TAFA5: variants seen among roughly 807,000 people sequenced by gnomAD.
The protein encoded by TAFA5 is chemokine-like protein TAFA-5.
Under a neutral mutation model 15.3 loss-of-function variants are expected in TAFA5, and 6 were observed. The ratio of observed to expected loss-of-function variants is 0.39; its 90% confidence interval spans 0.21 to 0.77. TAFA5 has a LOEUF of 0.77. Among genes scored for constraint, TAFA5 ranks in the 30% least tolerant of loss-of-function variants. The probability of loss-of-function intolerance (pLI) is 0.41; values close to 1 mark genes in which losing one functional copy is unlikely to be tolerated. For missense variants in TAFA5, 161 were observed against 193.1 expected (o/e 0.83, Z 0.98); for synonymous variants, 103 against 80.7 (o/e 1.28, Z -1.48).
chr22:48,621,413 TCAG>T (rs1925833430), intron 1 of TAFA5, among the ~76,000 whole-genome samples: 1 of 151,906 alleles, frequency 6.6e-6, no homozygotes. Flanking sequence ...ATCCATGGCA[TCAG>T]CAGATATGCC....
intron 1 of TAFA5, among the ~76,000 whole-genome samples, chr22:48,637,095 C>A (rs986178807): frequency 6.6e-5 from 10 of 152,170 alleles, no homozygotes; most frequent in Admixed American, 3.3e-4. Flanking sequence ...GGTGAGCAGC[C>A]TTTCCGAGTC....
intron 3 of TAFA5, among the ~76,000 whole-genome samples, chr22:48,723,349 C>T (rs766038427): frequency 1.0e-3 from 155 of 152,318 alleles, no homozygotes; most frequent in Non-Finnish European, 1.4e-3. Context: ...TAAATGTCAG[C>T]TCCCCGTTAA....
chr22:48,631,302 G>C (rs1324909897), intron 1 of TAFA5, among the ~76,000 whole-genome samples: 1 of 152,184 alleles, frequency 6.6e-6, no homozygotes, highest in African/African-American at 2.4e-5. Flanking sequence ...AGCGGTCCCT[G>C]GTGGGCAGCC....
intron 1 of TAFA5, among the ~76,000 whole-genome samples, chr22:48,584,569 C>T (rs143498593): frequency 0.048 from 7,058 of 147,218 alleles, 238 homozygotes; most frequent in Non-Finnish European, 0.069. Flanking sequence ...ATGCCATGCA[C>T]CACACGACAC....
chr22:48,499,731 C>A (rs1342217993), intron 1 of TAFA5, among the ~76,000 whole-genome samples: 1 of 152,250 alleles, frequency 6.6e-6, no homozygotes, highest in Non-Finnish European at 1.5e-5. Flanking sequence ...CCACCCCCAA[C>A]CTTTGTTGCT....
intron 1 of TAFA5, chr22:48,576,261 CGCGGCG>C: frequency 1.7e-5 from 11 of 653,674 alleles, no homozygotes; most frequent in African/African-American, 1.9e-5. Flanking sequence ...CCGCCCCCTC[CGCGGCG>C]CCCCCCTCCC....
intron 1 of TAFA5, among the ~76,000 whole-genome samples, chr22:48,620,989 C>T (rs1601621373): frequency 8.0e-6 from 1 of 124,224 alleles, no homozygotes; most frequent in Non-Finnish European, 1.7e-5. Context: ...CATCCACCCA[C>T]CCACCCACAC....
At chr22:48,576,416 G>T (rs2147141988) in intron 1 of TAFA5, 1 of 1,263,610 alleles carries the variant, frequency 7.9e-7, no homozygotes, top group Non-Finnish European at 1.0e-6. Context: ...CCGGCGGGGC[G>T]CTGATGCGGC....
At position 48,545,360 on chromosome 22, in the gene TAFA5, C is replaced by T. The variant is rs142237052; in HGVS notation, c.112+55656C>T. 2.8e-3 allele frequency: 591 copies of T among 208,862 alleles called. 1 individual carries two copies. Among genetic ancestry groups the T allele is most frequent in the Non-Finnish European group, 4.6e-3 (465 of 101,694 alleles). The allele number at this position is 208,862 out of a possible 1,614,324, so 12.9% of individuals were successfully genotyped here. A position where few individuals can be genotyped will look rare whatever the true frequency, so the allele number is the denominator to read the frequency against. ...CACTCATAGGACACTGTTGTGATTG[C>T]AATTATTTGGCTGCTCCCTGACCTG... is the stretch of plus-strand genomic sequence containing the variant. On this transcript the variant is annotated intron_variant, in intron 1 of 3. Coordinates refer to ENST00000402357, the MANE Select transcript of TAFA5 (RefSeq NM_001082967.3).
At chr22:48,518,412 C>T (rs571802362) in intron 1 of TAFA5, among the ~76,000 whole-genome samples, 13 of 152,324 alleles carry the variant, frequency 8.5e-5, no homozygotes, top group African/African-American at 1.2e-4. Context: ...GGCAGAGGGA[C>T]ATCTGAGAGG....
At chr22:48,516,158 C>T (rs1403313847) in intron 1 of TAFA5, among the ~76,000 whole-genome samples, 1 of 152,170 alleles carries the variant, frequency 6.6e-6, no homozygotes, top group Non-Finnish European at 1.5e-5. Context: ...TGACGCGCTA[C>T]CCAAAGACTA....
rs559517722 is a variant in TAFA5, at chr22:48,530,872, G to A, written c.112+41168G>A. Among the ~76,000 whole-genome samples the A allele has an allele frequency of 1.5e-4, 23 of 152,254 alleles. No individual in the cohort carries two copies. Among genetic ancestry groups the A allele is most frequent in the Non-Finnish European group, 2.9e-4 (20 of 68,008 alleles). On this transcript the variant is annotated intron_variant, in intron 1 of 3. Coordinates refer to ENST00000402357, the MANE Select transcript of TAFA5 (RefSeq NM_001082967.3). This position sits in a 1 kb window ranked among gnomAD's most constrained non-coding sequence, Gnocchi z 6.0. ...ACAAAGCAGGGGAGAAATGTCCCTC[G>A]GGTTCCAAATGAAAGTGGCTGAGAT...
chr22:48,749,361 C>A (rs1034172246), intron 3 of TAFA5, among the ~76,000 whole-genome samples: 2 of 152,156 alleles, frequency 1.3e-5, no homozygotes, highest in Non-Finnish European at 2.9e-5. Flanking sequence ...CGTGGATGGC[C>A]AGGGGAGGGT....
chr22:48,683,523 G>A (rs1010590393), intron 2 of TAFA5, among the ~76,000 whole-genome samples: 7 of 152,188 alleles, frequency 4.6e-5, no homozygotes, highest in South Asian at 2.1e-4. Flanking sequence ...CTGAAGGGAC[G>A]GGCTGAGGCC....
chr22:48,648,779 G>A (rs1293563651), intron 2 of TAFA5, among the ~76,000 whole-genome samples: 1 of 152,132 alleles, frequency 6.6e-6, no homozygotes, highest in African/African-American at 2.4e-5. Context: ...AGTGAGCCGA[G>A]ATCACGCCAC....
intron 3 of TAFA5, among the ~76,000 whole-genome samples, chr22:48,744,476 C>A (rs1930270291): frequency 6.6e-6 from 1 of 152,198 alleles, no homozygotes; most frequent in Non-Finnish European, 1.5e-5. Flanking sequence ...CAGGCCATGA[C>A]CCGTGTGGTT....
chr22:48,644,575 A>G (rs1004060571), intron 1 of TAFA5, among the ~76,000 whole-genome samples: 1 of 152,168 alleles, frequency 6.6e-6, no homozygotes, highest in African/African-American at 2.4e-5. Context: ...TTGGGATGAG[A>G]GAGCTGGGCG....
In TAFA5 at chr22:48,750,021, T is replaced by A. The variant is rs1930437287; in HGVS notation, c.*174T>A. The A allele has an allele frequency of 3.0e-6, 2 of 656,702 alleles. No individual in the cohort carries two copies. Among genetic ancestry groups the A allele is most frequent in the South Asian group, 3.7e-5 (2 of 53,818 alleles). The allele number at this position is 656,702 out of a possible 1,614,324, so 40.7% of individuals were successfully genotyped here. A position where few individuals can be genotyped will look rare whatever the true frequency, so the allele number is the denominator to read the frequency against. On this transcript the variant is annotated 3_prime_UTR_variant, in exon 4 of 4. Transcript: ENST00000402357. ...GGCCTTGGCATCCTGAGCTTCGGTC[T>A]GTCCAGCCGACCCGAGGAGGCCGGA...
intron 3 of TAFA5, among the ~76,000 whole-genome samples, chr22:48,722,568 T>C (rs893349482): frequency 1.3e-5 from 2 of 151,198 alleles, no homozygotes; most frequent in Non-Finnish European, 2.9e-5. Flanking sequence ...GGTGGGGGGC[T>C]AGGGGAGGGA....
Sources: allele counts gnomAD v4.1 joint callset (sites outside exome capture counted in the v4.1 genomes callset), GRCh38; gene constraint gnomAD v4.1.1; non-coding constraint Gnocchi (gnomAD v3.1); transcripts MANE v1.5; gene names NCBI Gene and HGNC (gene_info 2026-07-23, HGNC 2026-07-21).